The following GRB10 variants were observed in gnomAD, a reference collection of about 807,000 sequenced individuals.
The protein encoded by GRB10 is growth factor receptor bound protein 10, also known as growth factor receptor-bound protein 10.
In GRB10, 20 loss-of-function variants were observed where a neutral mutation model predicts 80.9. The ratio of observed to expected loss-of-function variants is 0.25; its 90% CI spans 0.17 to 0.36. The LOEUF (loss-of-function observed/expected upper bound fraction) is 0.36. GRB10 is among the 10% of genes least tolerant of loss of function. GRB10 has a pLI of 1.00. For missense variants in GRB10, 548 were observed against 747.7 expected (o/e 0.73, Z 3.12); for synonymous variants, 291 against 291.5 (o/e 1.00, Z 0.02).
At chr7:50,636,961 C>T (rs2055165567) in intron 7 of GRB10, among the ~76,000 whole-genome samples, 1 of 152,110 alleles carries the variant, frequency 6.6e-6, no homozygotes, top group African/African-American at 2.4e-5. Context: ...CATTTGATGG[C>T]ATGAGTTGTG....
chr7:50,632,622 T>A (rs1220227343), intron 7 of GRB10, among the ~76,000 whole-genome samples: 1 of 152,184 alleles, frequency 6.6e-6, no homozygotes, highest in African/African-American at 2.4e-5. Context: ...CCTGAGGTCC[T>A]GAGTACCAGG....
intron 13 of GRB10, among the ~76,000 whole-genome samples, chr7:50,611,358 T>C (rs1396044463): frequency 1.3e-5 from 2 of 152,246 alleles, no homozygotes; most frequent in Admixed American, 1.3e-4. Context: ...GGATGTCACC[T>C]ATGTGACCAG....
At chr7:50,759,601 TTTA>T (rs1413073816) in intron 2 of GRB10, among the ~76,000 whole-genome samples, 4 of 152,212 alleles carry the variant, frequency 2.6e-5, no homozygotes, top group African/African-American at 9.7e-5. Flanking sequence ...TTTGAATTAT[TTTA>T]TTGTTTTATT....
chr7:50,704,867 C>T (rs1005173974), intron 4 of GRB10, among the ~76,000 whole-genome samples: 5 of 152,182 alleles, frequency 3.3e-5, no homozygotes, highest in Admixed American at 1.3e-4. Flanking sequence ...GGTGAGTTAC[C>T]CTCACAACCC....
chr7:50,631,826 G>T (rs1190038670), intron 7 of GRB10, among the ~76,000 whole-genome samples: 1 of 152,204 alleles, frequency 6.6e-6, no homozygotes, highest in East Asian at 1.9e-4. Context: ...TTTGACAGGA[G>T]GTGGAGCTAT....
At chr7:50,668,034 G>A (rs915418960) in intron 7 of GRB10, among the ~76,000 whole-genome samples, 9 of 152,168 alleles carry the variant, frequency 5.9e-5, no homozygotes, top group East Asian at 1.9e-4. Flanking sequence ...GGTCACCAGC[G>A]AGGTAGACAT....
At chr7:50,686,143 G>A (rs2062077623) in intron 5 of GRB10, among the ~76,000 whole-genome samples, 1 of 152,170 alleles carries the variant, frequency 6.6e-6, no homozygotes, top group African/African-American at 2.4e-5. Flanking sequence ...AACCTCTACA[G>A]TGAAGGTATT....
Position 50,612,752 on chromosome 7 carries a change from T to C in GRB10, c.1183A>G (p.Arg395Gly). 1 of 1,612,758 alleles carries C rather than the reference T, an allele frequency of 6.2e-7. No individual in the cohort carries two copies. The highest frequency in any genetic ancestry group is 8.5e-7 in the Non-Finnish European group (1 of 1,179,004). The stretch of plus-strand genomic sequence containing the variant: ...AAGATGTCACATACCTTGAGGAGTC[T>C]GAACGCTGTCATCCAGCACGTCCTG... ...QTRTCWMTAF[R>G]LLKYGMLLYQ... is the part of the protein sequence containing the mutation. Residue 395 changes from arginine to glycine, a missense_variant, in exon 13 of 19, where the codon AGA (arginine) becomes GGA (glycine). This residue lies in a region of GRB10 where 270 missense variants were observed against 433.6 expected (regional missense o/e 0.62). Transcript: ENST00000401949.
At chr7:50,747,716 C>T (rs987860791) in intron 3 of GRB10, 11 of 152,222 alleles carry the variant, frequency 7.2e-5, no homozygotes, top group African/African-American at 2.4e-4. Flanking sequence ...AACCAGTCAG[C>T]AGAATCCTGC....
At chr7:50,606,279 A>C in intron 14 of GRB10, 58 bp downstream of exon 14, 1 of 1,334,732 alleles carries the variant, frequency 7.5e-7, no homozygotes, top group Non-Finnish European at 1.1e-6. Flanking sequence ...CGTCCTTAAC[A>C]CATGTGATGC....
chr7:50,783,322 C>A (rs2078501150), upstream of GRB10, among the ~76,000 whole-genome samples: 1 of 152,130 alleles, frequency 6.6e-6, no homozygotes, highest in South Asian at 2.1e-4. Context: ...ACAACGAGGA[C>A]AAAGTAGGGT....
chr7:50,623,541 G>A lies in GRB10; in HGVS notation c.661+3281C>T, dbSNP rs191083747. ...GGGGCTACTCTGCCGAGTGACAGCA[G>A]GGATGCCACTGTTGCTGCCAATGGA... On this transcript the variant is annotated intron_variant, in intron 8 of 18. Coordinates refer to ENST00000401949, the MANE Select transcript of GRB10 (RefSeq NM_001350814.2). Among the ~76,000 whole-genome samples the A allele has an allele frequency of 8.6e-4, 131 of 152,320 alleles. 1 individual carries two copies. The highest frequency in any genetic ancestry group is 3.0e-3 in the African/African-American group (126 of 41,578).
intron 2 of GRB10, among the ~76,000 whole-genome samples, chr7:50,776,753 C>G (rs1263645697): frequency 6.6e-6 from 1 of 152,186 alleles, no homozygotes; most frequent in Non-Finnish European, 1.5e-5. Context: ...CCTCCAGTTT[C>G]CAATAAGATA....
intron 11 of GRB10, 127 bp from the exon 12 acceptor site, chr7:50,615,007 A>AT (rs1363558133): frequency 1.4e-6 from 1 of 713,472 alleles, no homozygotes; most frequent in Non-Finnish European, 2.6e-6. Flanking sequence ...TACATATTAC[A>AT]TATGATTATT....
At chr7:50,655,041 T>G (rs925574025) in intron 7 of GRB10, among the ~76,000 whole-genome samples, 3 of 152,238 alleles carry the variant, frequency 2.0e-5, no homozygotes, top group Non-Finnish European at 4.4e-5. Context: ...CTGCCTTGGC[T>G]CTTTAGTTCC....
chr7:50,626,468 G>A (rs1038136141), intron 8 of GRB10, among the ~76,000 whole-genome samples: 14 of 152,204 alleles, frequency 9.2e-5, no homozygotes, highest in African/African-American at 2.9e-4. Context: ...TCTCTCCAGA[G>A]CACCTCAAGG....
rs2045715239 is a variant in GRB10, at chr7:50,590,375, G to A, written c.*2577C>T. 1.3e-5 allele frequency: 2 copies of A among 152,232 alleles called. No homozygotes were observed. Among genetic ancestry groups the A allele is most frequent in the African/African-American group, 4.8e-5 (2 of 41,446 alleles). 9.4% of individuals were successfully genotyped at this position (152,232 alleles called of 1,614,324 possible). On this transcript the variant is annotated 3_prime_UTR_variant, in exon 19 of 19. Transcript: ENST00000401949. ...TCGGTCATACTGTCAGGTATTAAGT[G>A]CAGAAAAGAGAAGACAAAACATCTA...
intron 2 of GRB10, among the ~76,000 whole-genome samples, chr7:50,776,742 T>A (rs2077694578): frequency 6.6e-6 from 1 of 152,196 alleles, no homozygotes; most frequent in Non-Finnish European, 1.5e-5. Context: ...GGACTGTCTT[T>A]CCTCCAGTTT....
chr7:50,647,268 A>C (rs1334040174), intron 7 of GRB10, among the ~76,000 whole-genome samples: 2 of 152,260 alleles, frequency 1.3e-5, no homozygotes, highest in African/African-American at 4.8e-5. Flanking sequence ...TACAAGAGGG[A>C]TTTCCACCAG....
Sources: gnomAD v4.1 joint callset for allele counts (sites outside exome capture counted in the v4.1 genomes callset) on GRCh38, gnomAD v4.1.1 for gene constraint, gnomAD v4.1.1 regional missense constraint, MANE v1.5 for transcripts, NCBI Gene and HGNC (gene_info 2026-07-23, HGNC 2026-07-21) for gene names.